PTPRH: variants seen among roughly 807,000 people sequenced by gnomAD.
The protein encoded by PTPRH is protein tyrosine phosphatase receptor type H, also known as receptor-type tyrosine-protein phosphatase H.
A neutral mutation model predicts 130.2 loss-of-function variants in PTPRH; 113 were observed. That is an observed-to-expected ratio of 0.87 (90% CI 0.75 to 1.01). The LOEUF is 1.01. Among genes scored for constraint, PTPRH ranks in the 50% least tolerant of loss-of-function variants. PTPRH has a pLI of 0.00. For synonymous variants in PTPRH, 556 were observed against 577.9 expected (o/e 0.96, Z 0.54); for missense variants, 1,430 against 1,425.0 (o/e 1.00, Z -0.06).
At position 55,209,311 on chromosome 19, in the gene PTPRH, G is replaced by T; in HGVS notation, c.51+72C>A. 1 of 1,323,636 alleles carries T rather than the reference G, an allele frequency of 7.6e-7. No homozygotes were observed. The highest frequency in any genetic ancestry group is 1.1e-6 in the Non-Finnish European group (1 of 938,826). 82.0% of individuals were successfully genotyped at this position (1,323,636 alleles called of 1,614,324 possible). On this transcript the variant is annotated intron_variant, in intron 1 of 19. Coordinates refer to ENST00000376350, the MANE Select transcript of PTPRH (RefSeq NM_002842.5). The surrounding 1 kb of genome is among the most constrained non-coding windows in gnomAD (Gnocchi z 4.1). ...CTACTTCCTCAAGATCGAGGTGCAGGCACCCAGCTCCTTCTCCCTCAGACC... is the reference window on the plus strand; with the variant it reads ...CTACTTCCTCAAGATCGAGGTGCAGTCACCCAGCTCCTTCTCCCTCAGACC...
chr19:55,191,989 G>A (rs755489068), intron 10 of PTPRH: 154 of 643,952 alleles, frequency 2.4e-4, no homozygotes, highest in Non-Finnish European at 4.1e-4. Flanking sequence ...TACTCAACGC[G>A]AAGACTACAA....
chr19:55,183,584 C>T (rs945070166), intron 18 of PTPRH, among the ~76,000 whole-genome samples: 3 of 151,054 alleles, frequency 2.0e-5, no homozygotes, highest in African/African-American at 4.9e-5. Flanking sequence ...ATTAGCCAGG[C>T]GGGGTGGCAG....
chr19:55,196,635 G>A lies in PTPRH; in HGVS notation c.2144C>T (p.Ala715Val), dbSNP rs1373717570. ...GSQDRSSCGEAVSVLGLGPAR... is the reference protein window; with the variant it reads ...GSQDRSSCGEVVSVLGLGPAR... ...CGGCCCGAGACCCAACACAGACACA[G>A]CCTCCCCACATGAAGATCTGTCCTG... The change falls in exon 10 of 20, where the codon GCT (alanine) becomes GTT (valine). Residue 715 changes from alanine (A) to valine (V), a missense_variant. By Grantham distance (64) the Ala-to-Val change is moderately conservative. Coordinates refer to ENST00000376350, the MANE Select transcript of PTPRH (RefSeq NM_002842.5). 1 of 1,613,940 alleles carries A rather than the reference G, an allele frequency of 6.2e-7. No homozygotes were observed. Among genetic ancestry groups the A allele is most frequent in the Admixed American group, 1.7e-5 (1 of 59,990 alleles).
chr19:55,207,278 G>C, intron 1 of PTPRH, 79 bp from the exon 2 acceptor site: 1 of 1,503,292 alleles, frequency 6.7e-7, no homozygotes, highest in Non-Finnish European at 9.1e-7. Context: ...TGGGAGGAGC[G>C]GCTGGTCCCC....
At chr19:55,196,313 G>A (rs7251345) in intron 10 of PTPRH, among the ~76,000 whole-genome samples, 35,368 of 152,024 alleles carry the variant, frequency 0.23, 5,277 homozygotes, top group African/African-American at 0.39. Context: ...ACTTGAACCC[G>A]GGAGGCAGAG....
chr19:55,200,379 T>G lies in PTPRH; in HGVS notation c.1277A>C (p.Asp426Ala). 6.2e-7 allele frequency: 1 copy of G among 1,614,102 alleles called. No individual in the cohort carries two copies. The highest frequency in any genetic ancestry group is 8.5e-7 in the Non-Finnish European group (1 of 1,180,024). The change falls in exon 7 of 20, where the codon GAC becomes GCC. Residue 426 changes from aspartate to alanine, a missense_variant. Coordinates refer to ENST00000376350, the MANE Select transcript of PTPRH (RefSeq NM_002842.5). Reference protein sequence around the residue: ...DYTYWVEYTGDGGGTETRNTT... With the variant: ...DYTYWVEYTGAGGGTETRNTT... ...GTTTCGGGTCTCTGTGCCACCACCGTCTCCAGTGTACTCTACCCAGTAGGT... is the reference window on the plus strand; with the variant it reads ...GTTTCGGGTCTCTGTGCCACCACCGGCTCCAGTGTACTCTACCCAGTAGGT...
rs1216584139 is a variant in PTPRH, at chr19:55,197,327, G to T, written c.1780C>A (p.Gln594Lys). The change falls in exon 9 of 20, where the codon CAG (glutamine) becomes AAG (lysine). Residue 594 changes from glutamine to lysine, a missense_variant. Gln to Lys is a moderately conservative substitution (Grantham distance 53). Coordinates refer to ENST00000376350, the MANE Select transcript of PTPRH (RefSeq NM_002842.5). Reference protein sequence around the residue: ...WWKAPGDPHSQLYVYWVQWAS... With the variant: ...WWKAPGDPHSKLYVYWVQWAS... Reference sequence around the variant, plus strand: ...CACTGGACCCAGTATACGTACAACTGAGAGTGGGGGTCTCCAGGGGCCTTC... The same window carrying T: ...CACTGGACCCAGTATACGTACAACTTAGAGTGGGGGTCTCCAGGGGCCTTC... The T allele has an allele frequency of 1.1e-5, 18 of 1,614,122 alleles. No homozygotes were observed. Among genetic ancestry groups the T allele is most frequent in the Non-Finnish European group, 1.5e-5 (18 of 1,180,044 alleles).
At position 55,184,926 on chromosome 19, in the gene PTPRH, C is replaced by G. The variant is rs184611333; in HGVS notation, c.3062+576G>C. Among the ~76,000 whole-genome samples the G allele has an allele frequency of 1.9e-4, 29 of 152,192 alleles. 1 individual carries two copies. Among genetic ancestry groups the G allele is most frequent in the African/African-American group, 6.5e-4 (27 of 41,542 alleles). On this transcript the variant is annotated intron_variant, in intron 18 of 19. Coordinates refer to ENST00000376350, the MANE Select transcript of PTPRH (RefSeq NM_002842.5). ...GTTTCTCAGAATCTGTGGCCACATCCCCATCCTGTGGCTTCATCCTTTCTC... is the reference window on the plus strand; with the variant it reads ...GTTTCTCAGAATCTGTGGCCACATCGCCATCCTGTGGCTTCATCCTTTCTC...
chr19:55,186,917 C>T (rs957299071), intron 14 of PTPRH, among the ~76,000 whole-genome samples: 5 of 151,882 alleles, frequency 3.3e-5, no homozygotes, highest in Non-Finnish European at 4.4e-5. Flanking sequence ...TGGTGGCGGG[C>T]GCCTGTAGTC....
Position 55,206,739 on chromosome 19 carries a change from ACC to A in PTPRH, c.300_301del (p.Trp100CysfsTer8), listed in dbSNP as rs775143473. ...AGAGCTATTTACTCCGTCTTTCTCC[ACC>A]CACACAGAACACGTATACAATGACC... On this transcript the variant is annotated frameshift_variant, in exon 3 of 20. Coordinates refer to ENST00000376350, the MANE Select transcript of PTPRH (RefSeq NM_002842.5). LOFTEE classifies it high-confidence loss of function. 1.9e-5 allele frequency: 31 copies of A among 1,613,500 alleles called. 1 individual carries two copies. The East Asian group carries it at 6.7e-4, about 35-fold the overall frequency.
chr19:55,206,579 C>T lies in PTPRH; in HGVS notation c.352+110G>A, dbSNP rs573690671. 54 of 1,154,466 alleles carry T rather than the reference C, an allele frequency of 4.7e-5. No individual in the cohort carries two copies. The Admixed American group carries it at 1.3e-3, about 28-fold the overall frequency. 71.5% of individuals were successfully genotyped at this position (1,154,466 alleles called of 1,614,324 possible). On this transcript the variant is annotated intron_variant, in intron 3 of 19. Coordinates refer to ENST00000376350, the MANE Select transcript of PTPRH (RefSeq NM_002842.5). ...AATTGAAATTCTCACGTGTGGCTTC[C>T]ACTGTGTTTCTATCCAACTAAAGAA...
At chr19:55,203,473 C>A (rs966641897) in intron 5 of PTPRH, among the ~76,000 whole-genome samples, 5 of 150,920 alleles carry the variant, frequency 3.3e-5, no homozygotes, top group Non-Finnish European at 5.9e-5. Context: ...TGGAGTGCAG[C>A]AGTCCAATCA....
rs1228042094 is a variant in PTPRH, at chr19:55,185,916, C to T, written c.2847G>A (p.Leu949=). The change falls in exon 17 of 20, where the codon CTG becomes CTA. Residue 949 remains leucine, a synonymous_variant. Coordinates refer to ENST00000376350, the MANE Select transcript of PTPRH (RefSeq NM_002842.5). ...PCTHGHLRVT[L]VGEEVMENWT... ...AGTTCTCCATCACTTCCTCACCTAC[C>T]AGGGTTACCCGCAGGTGCCCATGGG... The T allele has an allele frequency of 6.2e-7, 1 of 1,614,136 alleles. No homozygotes were observed. Among genetic ancestry groups the T allele is most frequent in the Admixed American group, 1.7e-5 (1 of 60,014 alleles).
In PTPRH at chr19:55,191,623, C is replaced by T. The variant is rs756990089; in HGVS notation, c.2336+40G>A. On this transcript the variant is annotated intron_variant, in intron 11 of 19. Coordinates refer to ENST00000376350, the MANE Select transcript of PTPRH (RefSeq NM_002842.5). ...AGCGGTCCTCCTCCTTCTTCTCCAG[C>T]CCCCACCCTCCAGGCGGTCAGCCCT... 4 of 1,611,730 alleles carry T rather than the reference C, an allele frequency of 2.5e-6. No homozygotes were observed. The East Asian group carries it at 6.7e-5, about 27-fold the overall frequency.
Position 55,209,101 on chromosome 19 carries a change from A to T in PTPRH, c.51+282T>A, listed in dbSNP as rs2087161819. The stretch of plus-strand genomic sequence containing the variant: ...GCCAGTGTCCCCCGCAGCAGACACG[A>T]CAGTGTCTAAGGGCCCGGGTGAAGC... On this transcript the variant is annotated intron_variant, in intron 1 of 19. Coordinates refer to ENST00000376350, the MANE Select transcript of PTPRH (RefSeq NM_002842.5). This position sits in a 1 kb window ranked among gnomAD's most constrained non-coding sequence, Gnocchi z 4.1. 6.6e-6 allele frequency among the ~76,000 whole-genome samples: 1 copy of T among 151,938 alleles called. No homozygotes were observed. The highest frequency in any genetic ancestry group is 2.4e-5 in the African/African-American group (1 of 41,318).
intron 4 of PTPRH, among the ~76,000 whole-genome samples, chr19:55,204,959 G>A (rs899220486): frequency 2.0e-5 from 3 of 152,194 alleles, no homozygotes; most frequent in Non-Finnish European, 2.9e-5. Context: ...GATGATCTGA[G>A]TTTCCATCCT....
chr19:55,202,592 T>C (rs1238804735), intron 5 of PTPRH, among the ~76,000 whole-genome samples: 4 of 149,880 alleles, frequency 2.7e-5, no homozygotes, highest in African/African-American at 4.9e-5. Flanking sequence ...ATTGATCCTA[T>C]ACACACACAC....
intron 15 of PTPRH, 50 bp from the exon 16 acceptor site, chr19:55,186,409 G>C (rs2086328000): frequency 6.2e-7 from 1 of 1,612,930 alleles, no homozygotes; most frequent in Non-Finnish European, 8.5e-7. Flanking sequence ...TGATCCCCGA[G>C]CTCTTATCTC....
At chr19:55,191,576 C>T (rs2086536537) in intron 11 of PTPRH, 28 bp from the exon 12 acceptor site, 1 of 1,613,886 alleles carries the variant, frequency 6.2e-7, no homozygotes, top group East Asian at 2.2e-5. Context: ...GGATGAGAGG[C>T]TCAGGGGGTG....
Sources: allele counts gnomAD v4.1 joint callset (sites outside exome capture counted in the v4.1 genomes callset), GRCh38; gene constraint gnomAD v4.1.1; non-coding constraint Gnocchi (gnomAD v3.1); transcripts MANE v1.5; gene names NCBI Gene and HGNC (gene_info 2026-07-23, HGNC 2026-07-21).